RNF38: variants seen among roughly 807,000 people sequenced by gnomAD.
RNF38 encodes ring finger protein 38, also known as E3 ubiquitin-protein ligase RNF38.
RNF38 carries 15 observed loss-of-function variants against 67.2 expected under a neutral mutation model. The observed-to-expected ratio is 0.22, with a 90% CI of 0.15 to 0.34. The LOEUF (loss-of-function observed/expected upper bound fraction) is 0.34. Among genes scored for constraint, RNF38 ranks in the 10% least tolerant of loss-of-function variants. RNF38 has a pLI of 1.00. For synonymous variants in RNF38, 220 were observed against 218.8 expected (o/e 1.01, Z -0.05); for missense variants, 524 against 639.9 (o/e 0.82, Z 1.95).
chr9:36,487,279 C>T, intron 1 of RNF38: 1 of 984,678 alleles, frequency 1.0e-6, no homozygotes, highest in Non-Finnish European at 1.2e-6. Context: ...CACGCCCCTC[C>T]CTGCCTGGCC....
At chr9:36,438,738 GAA>G (rs1839126691) in intron 1 of RNF38, among the ~76,000 whole-genome samples, 1 of 151,974 alleles carries the variant, frequency 6.6e-6, no homozygotes, top group Non-Finnish European at 1.5e-5. Context: ...CTACCTGAAA[GAA>G]AGAATCTCCT....
At chr9:36,481,794 T>C (rs991440110) in intron 1 of RNF38, among the ~76,000 whole-genome samples, 86 of 151,574 alleles carry the variant, frequency 5.7e-4, no homozygotes, top group African/African-American at 1.9e-3. Flanking sequence ...TGGTTTGTAC[T>C]CCCCCCTCCT....
At chr9:36,454,668 C>T (rs1400555183) in intron 1 of RNF38, among the ~76,000 whole-genome samples, 1 of 150,544 alleles carries the variant, frequency 6.6e-6, no homozygotes, top group African/African-American at 2.4e-5. Context: ...CTGCAACCTC[C>T]GCCTCCCAGG....
At chr9:36,394,388 T>C (rs1837373742) in intron 1 of RNF38, among the ~76,000 whole-genome samples, 1 of 152,206 alleles carries the variant, frequency 6.6e-6, no homozygotes, top group African/African-American at 2.4e-5. Context: ...AATATTTGTG[T>C]TTTAAACAAA....
intron 2 of RNF38, among the ~76,000 whole-genome samples, chr9:36,382,788 T>C (rs1056515974): frequency 8.5e-5 from 13 of 152,214 alleles, no homozygotes; most frequent in African/African-American, 3.1e-4. Context: ...ACCTTAGATT[T>C]ACAAATAAGC....
intron 2 of RNF38, among the ~76,000 whole-genome samples, chr9:36,387,545 T>TG (rs1169231760): frequency 3.3e-5 from 5 of 152,222 alleles, no homozygotes; most frequent in Non-Finnish European, 7.3e-5. Flanking sequence ...CAGGGAATTT[T>TG]GGGGGGTGTT....
intron 8 of RNF38, 39 bp from the exon 9 acceptor site, chr9:36,351,238 T>C (rs1833666163): frequency 2.2e-6 from 3 of 1,388,472 alleles, no homozygotes; most frequent in Middle Eastern, 1.8e-4. Flanking sequence ...GATATGTTAG[T>C]ACATTAAATC....
At chr9:36,367,575 TTTTC>T (rs1432909652) in intron 4 of RNF38, among the ~76,000 whole-genome samples, 14 of 148,422 alleles carry the variant, frequency 9.4e-5, no homozygotes, top group African/African-American at 7.2e-5. Flanking sequence ...GGTTATTCTT[TTTTC>T]TTTTTTTTAA....
chr9:36,421,647 G>C (rs545787971), intron 2 of RNF38, among the ~76,000 whole-genome samples: 3 of 151,972 alleles, frequency 2.0e-5, no homozygotes, highest in South Asian at 4.2e-4. Context: ...TGGGCAGTAA[G>C]AGCGAAACTC....
chr9:36,460,934 T>C (rs1236244073), intron 1 of RNF38, among the ~76,000 whole-genome samples: 1 of 142,550 alleles, frequency 7.0e-6, no homozygotes, highest in African/African-American at 2.6e-5. Flanking sequence ...AAAAGGAGGC[T>C]GGTCGCGATG....
intron 1 of RNF38, among the ~76,000 whole-genome samples, chr9:36,427,055 T>G (rs77407813): frequency 1.3e-5 from 2 of 152,184 alleles, no homozygotes; most frequent in East Asian, 1.9e-4. Flanking sequence ...CAATTTTTTT[T>G]GCTAGAGCTG....
intron 1 of RNF38, among the ~76,000 whole-genome samples, chr9:36,443,224 G>C (rs1219783907): frequency 1.3e-5 from 2 of 152,176 alleles, no homozygotes; most frequent in African/African-American, 4.8e-5. Flanking sequence ...CATAGTGATG[G>C]CAAGACCTGG....
At chr9:36,467,538 T>G (rs1040525235) in intron 1 of RNF38, among the ~76,000 whole-genome samples, 3 of 152,118 alleles carry the variant, frequency 2.0e-5, no homozygotes, top group African/African-American at 7.2e-5. Context: ...GAGGTCAGAT[T>G]ATGATTCTGC....
At chr9:36,406,777 T>A (rs940990983) in intron 2 of RNF38, among the ~76,000 whole-genome samples, 1 of 151,848 alleles carries the variant, frequency 6.6e-6, no homozygotes, top group Non-Finnish European at 1.5e-5. Context: ...GCAGAAAAAA[T>A]AAATTTCAAA....
chr9:36,466,535 T>C lies in RNF38; in HGVS notation n.241+20773A>G, dbSNP rs531831513. Among the ~76,000 whole-genome samples, 15 of 152,308 alleles carry C rather than the reference T, an allele frequency of 9.8e-5. No homozygotes were observed. In the East Asian group the frequency reaches 1.5e-3, roughly 16 times the overall value. ...CGTGGGTTCACACTATGATGATTCATTGAGCTGCAAACTTACAAGATATGA... is the reference window on the plus strand; with the variant it reads ...CGTGGGTTCACACTATGATGATTCACTGAGCTGCAAACTTACAAGATATGA... On this transcript the variant is annotated intron_variant and non_coding_transcript_variant, in intron 1 of 3. Coordinates refer to the RNF38 transcript ENST00000488058.
chr9:36,471,601 G>A (rs1230716207), intron 1 of RNF38, among the ~76,000 whole-genome samples: 2 of 152,090 alleles, frequency 1.3e-5, no homozygotes, highest in Non-Finnish European at 2.9e-5. Context: ...GGAGTTCCAG[G>A]CCAGCCTGGG....
Position 36,485,386 on chromosome 9 carries a change from C to A in RNF38, n.241+1922G>T, listed in dbSNP as rs533361622. ...CCACCTTCACACTAAACACCAAATA[C>A]CACTACTCTCTAAGGTGGTTGGATC... On this transcript the variant is annotated intron_variant and non_coding_transcript_variant, in intron 1 of 3. Transcript: ENST00000488058. Among the ~76,000 whole-genome samples the A allele has an allele frequency of 1.5e-3, 224 of 151,854 alleles. 2 individuals carry two copies. The highest frequency in any genetic ancestry group is 3.0e-3 in the Non-Finnish European group (201 of 68,020).
chr9:36,354,507 G>A (rs1055190389), intron 6 of RNF38, among the ~76,000 whole-genome samples: 1 of 152,148 alleles, frequency 6.6e-6, no homozygotes, highest in Non-Finnish European at 1.5e-5. Flanking sequence ...CATGTAAATG[G>A]AACCAGTTCA....
At chr9:36,382,468 C>T (rs1015133925) in intron 2 of RNF38, among the ~76,000 whole-genome samples, 16 of 152,084 alleles carry the variant, frequency 1.1e-4, no homozygotes, top group African/African-American at 3.9e-4. Flanking sequence ...GAATGCATTC[C>T]ATAATTCCAG....
Sources: gnomAD v4.1 joint callset for allele counts (sites outside exome capture counted in the v4.1 genomes callset) on GRCh38, gnomAD v4.1.1 for gene constraint, MANE v1.5 for transcripts, NCBI Gene and HGNC (gene_info 2026-07-23, HGNC 2026-07-21) for gene names.